ZBTB16: variants seen among roughly 807,000 people sequenced by gnomAD.
ZBTB16 encodes zinc finger and BTB domain-containing protein 16.
In ZBTB16, 8 loss-of-function variants were observed where a neutral mutation model predicts 56.8. The ratio of observed to expected loss-of-function variants is 0.14; its 90% confidence interval spans 0.08 to 0.25. The LOEUF is 0.25. Among genes scored for constraint, ZBTB16 ranks in the 10% least tolerant of loss-of-function variants. The probability of loss-of-function intolerance (pLI) is 1.00; values close to 1 mark genes in which losing one functional copy is unlikely to be tolerated. For missense variants in ZBTB16, 625 were observed against 903.0 expected, an observed-to-expected ratio of 0.69 and a Z score of 3.95; for synonymous variants, 363 against 368.5, an observed-to-expected ratio of 0.98 and a Z score of 0.17.
chr11:114,124,084 C>T (rs1048121661), intron 2 of ZBTB16, among the ~76,000 whole-genome samples: 19 of 151,752 alleles, frequency 1.3e-4, no homozygotes, highest in African/African-American at 4.1e-4. Context: ...CGGAGATGGT[C>T]GGGGGTAATG....
chr11:114,093,399 T>C (rs1039431765), intron 2 of ZBTB16, among the ~76,000 whole-genome samples: 1 of 152,144 alleles, frequency 6.6e-6, no homozygotes, highest in African/African-American at 2.4e-5. Context: ...CAGCCTTTTG[T>C]TCCCCGATTC....
chr11:114,244,792 G>T (rs1163703608), intron 5 of ZBTB16, among the ~76,000 whole-genome samples: 1 of 152,098 alleles, frequency 6.6e-6, no homozygotes, highest in Non-Finnish European at 1.5e-5. Context: ...TTAACCCTTT[G>T]TTTTTTAAAT....
rs1401927892 is a variant in ZBTB16, at chr11:114,254,889, C to T, written c.*4334C>T. On this transcript the variant is annotated 3_prime_UTR_variant, in exon 7 of 7. Transcript: ENST00000335953. ...GCAGGACAAACCAGAGAGGTTGGGT[C>T]AGGGGAAAAGGGTGGGGAGAAAGAG... is the stretch of plus-strand genomic sequence containing the variant. 1.3e-5 allele frequency among the ~76,000 whole-genome samples: 2 copies of T among 151,974 alleles called. No homozygotes were observed.
In ZBTB16 at chr11:114,193,768, A is replaced by G. The variant is rs557229018; in HGVS notation, c.1453+6730A>G. On this transcript the variant is annotated intron_variant, in intron 4 of 6. Transcript: ENST00000335953. ...GCCAACGGGAGAGTAGGTAGGGAAG[A>G]GCTCTGAAAAAGAGAAGGAATGGAG... Among the ~76,000 whole-genome samples the G allele has an allele frequency of 1.3e-5, 2 of 152,290 alleles. 1 individual carries two copies. The highest frequency in any genetic ancestry group is 4.1e-4 in the South Asian group (2 of 4,828).
intron 2 of ZBTB16, among the ~76,000 whole-genome samples, chr11:114,106,156 G>T (rs965120688): frequency 6.6e-6 from 1 of 152,066 alleles, no homozygotes; most frequent in African/African-American, 2.4e-5. Context: ...GTTCTGGATG[G>T]TGCCTCTCTG....
At chr11:114,148,442 T>TGTCC (rs1238080888) in intron 2 of ZBTB16, among the ~76,000 whole-genome samples, 8 of 98,880 alleles carry the variant, frequency 8.1e-5, no homozygotes, top group East Asian at 2.9e-4. Flanking sequence ...TCTCTTTCTC[T>TGTCC]CTCTCTGTCT....
intron 3 of ZBTB16, among the ~76,000 whole-genome samples, chr11:114,171,958 A>G (rs1432264275): frequency 6.6e-6 from 1 of 152,266 alleles, no homozygotes; most frequent in Non-Finnish European, 1.5e-5. Context: ...GGTGCTTCAA[A>G]GCACCCTGCC....
intron 2 of ZBTB16, among the ~76,000 whole-genome samples, chr11:114,115,759 G>C (rs1260292631): frequency 6.6e-6 from 1 of 152,182 alleles, no homozygotes; most frequent in Non-Finnish European, 1.5e-5. Flanking sequence ...TGCTGTGGCT[G>C]TCCTCCGCTG....
intron 4 of ZBTB16, among the ~76,000 whole-genome samples, chr11:114,223,323 C>T (rs949602075): frequency 6.6e-5 from 10 of 152,064 alleles, no homozygotes; most frequent in South Asian, 2.1e-4. Flanking sequence ...AACAATCGCA[C>T]GTATTAAAAG....
At chr11:114,109,220 C>T (rs945214898) in intron 2 of ZBTB16, among the ~76,000 whole-genome samples, 3 of 152,244 alleles carry the variant, frequency 2.0e-5, no homozygotes, top group African/African-American at 7.2e-5. Flanking sequence ...GCAGTTGTCT[C>T]AGGAATTTTG....
At chr11:114,100,844 C>T (rs886447222) in intron 2 of ZBTB16, among the ~76,000 whole-genome samples, 1 of 152,144 alleles carries the variant, frequency 6.6e-6, no homozygotes, top group Non-Finnish European at 1.5e-5. Flanking sequence ...GATCAGCGAT[C>T]TACAGCTTTC....
At chr11:114,161,379 T>C (rs1942585707) in intron 3 of ZBTB16, among the ~76,000 whole-genome samples, 1 of 152,194 alleles carries the variant, frequency 6.6e-6, no homozygotes, top group South Asian at 2.1e-4. Context: ...GCACGAATTG[T>C]GTGTCAGGCT....
intron 4 of ZBTB16, among the ~76,000 whole-genome samples, chr11:114,222,794 G>T (rs1354685072): frequency 6.6e-6 from 1 of 152,158 alleles, no homozygotes; most frequent in East Asian, 1.9e-4. Flanking sequence ...CCCATATGCT[G>T]CGAAAATTGA....
At chr11:114,217,906 A>C (rs1327303304) in intron 4 of ZBTB16, among the ~76,000 whole-genome samples, 1 of 152,122 alleles carries the variant, frequency 6.6e-6, no homozygotes, top group Non-Finnish European at 1.5e-5. Context: ...GCGGATTCTC[A>C]AGGTATGGCC....
Position 114,143,255 on chromosome 11 carries a change from C to T in ZBTB16, c.1269-13082C>T, listed in dbSNP as rs1942004896. Among the ~76,000 whole-genome samples the T allele has an allele frequency of 1.3e-5, 2 of 152,202 alleles. No individual in the cohort carries two copies. Among genetic ancestry groups the T allele is most frequent in the African/African-American group, 4.8e-5 (2 of 41,446 alleles). ...CAAGATGCATCCACCCCTCATCCATCCACTAATGCTGTGCCCTTTGCAAGG... is the reference window on the plus strand; with the variant it reads ...CAAGATGCATCCACCCCTCATCCATTCACTAATGCTGTGCCCTTTGCAAGG... On this transcript the variant is annotated intron_variant, in intron 2 of 6. Coordinates refer to ENST00000335953, the MANE Select transcript of ZBTB16 (RefSeq NM_006006.6). This position sits in a 1 kb window ranked among gnomAD's most constrained non-coding sequence, Gnocchi z 6.4.
chr11:114,105,241 TC>T (rs1940747301), intron 2 of ZBTB16, among the ~76,000 whole-genome samples: 4 of 148,068 alleles, frequency 2.7e-5, no homozygotes, highest in African/African-American at 5.2e-5. Flanking sequence ...TCTCTCTCTC[TC>T]TCTTTTTTTT....
intron 4 of ZBTB16, among the ~76,000 whole-genome samples, chr11:114,230,223 G>A (rs935529395): frequency 6.6e-6 from 1 of 152,070 alleles, no homozygotes; most frequent in African/African-American, 2.4e-5. Flanking sequence ...TAATGTGCAC[G>A]TGCATGTGCA....
chr11:114,195,518 T>G (rs1386137712), intron 4 of ZBTB16, among the ~76,000 whole-genome samples: 2 of 152,088 alleles, frequency 1.3e-5, no homozygotes, highest in African/African-American at 4.8e-5. Context: ...GGACATTACT[T>G]CCTAGGAAAG....
At chr11:114,071,941 T>A (rs1421673788) in intron 2 of ZBTB16, among the ~76,000 whole-genome samples, 1 of 152,280 alleles carries the variant, frequency 6.6e-6, no homozygotes, top group Non-Finnish European at 1.5e-5. Context: ...TCTGTGTGCC[T>A]GTTTGCTCAT....
Sources: gnomAD v4.1 joint callset for allele counts (sites outside exome capture counted in the v4.1 genomes callset) on GRCh38, gnomAD v4.1.1 for gene constraint, Gnocchi (gnomAD v3.1) non-coding constraint, MANE v1.5 for transcripts, NCBI Gene and HGNC (gene_info 2026-07-23, HGNC 2026-07-21) for gene names.